Variants in MROH9 observed in about 807,000 individuals in gnomAD.
The protein encoded by MROH9 is maestro heat like repeat family member 9.
In MROH9, 92 loss-of-function variants were observed where a neutral mutation model predicts 98.2. The observed-to-expected ratio is 0.94, with a 90% CI of 0.79 to 1.11. MROH9 has a LOEUF of 1.11. MROH9 is among the 50% of genes most tolerant of loss of function. The pLI is 0.00. For missense variants in MROH9, 1,057 were observed against 1,014.8 expected (o/e 1.04, Z -0.57); for synonymous variants, 397 against 368.9 (o/e 1.08, Z -0.87).
At chr1:170,939,039 G>A (rs1192219341) in intron 1 of MROH9, among the ~76,000 whole-genome samples, 12 of 152,226 alleles carry the variant, frequency 7.9e-5, no homozygotes, top group Non-Finnish European at 1.8e-4. Context: ...GGTACCTACA[G>A]AATGGGTCAT....
intron 17 of MROH9, among the ~76,000 whole-genome samples, chr1:171,017,097 A>G (rs1205636807): frequency 6.6e-6 from 1 of 152,274 alleles, no homozygotes; most frequent in East Asian, 1.9e-4. Flanking sequence ...TTATAAACAC[A>G]TAAACACATT....
At chr1:170,993,155 CA>C (rs1291720660) in intron 12 of MROH9, among the ~76,000 whole-genome samples, 1 of 152,088 alleles carries the variant, frequency 6.6e-6, no homozygotes, top group African/African-American at 2.4e-5. Context: ...ATTGAATCCC[CA>C]AACTGTAATG....
chr1:171,015,388 A>G (rs1652292423), intron 16 of MROH9, among the ~76,000 whole-genome samples: 2 of 152,246 alleles, frequency 1.3e-5, no homozygotes, highest in African/African-American at 4.8e-5. Flanking sequence ...AGTAGTGGAA[A>G]GTGATCTGGG....
chr1:171,031,341 T>C (rs1455918528), intron 20 of MROH9, among the ~76,000 whole-genome samples: 1 of 152,204 alleles, frequency 6.6e-6, no homozygotes, highest in Non-Finnish European at 1.5e-5. Flanking sequence ...TAGCTGGTTA[T>C]TTTGCACACT....
At chr1:170,957,795 GTTTTT>G (rs71573033) in intron 3 of MROH9, among the ~76,000 whole-genome samples, 1 of 124,648 alleles carries the variant, frequency 8.0e-6, no homozygotes. Flanking sequence ...GCATTTTTTT[GTTTTT>G]TTTTTTTTTG....
At chr1:171,057,824 A>G (rs1653892863) in intron 20 of MROH9, among the ~76,000 whole-genome samples, 2 of 152,220 alleles carry the variant, frequency 1.3e-5, no homozygotes, top group Non-Finnish European at 2.9e-5. Context: ...AACATTCTTA[A>G]AGAAAAGAAT....
intron 1 of MROH9, among the ~76,000 whole-genome samples, chr1:170,937,667 G>A (rs868162168): frequency 2.4e-3 from 364 of 150,022 alleles, no homozygotes; most frequent in African/African-American, 8.2e-3. Context: ...GACTACAGGC[G>A]CCCGCCACTA....
chr1:171,045,611 CTT>C (rs1331469474), intron 20 of MROH9, among the ~76,000 whole-genome samples: 24 of 152,214 alleles, frequency 1.6e-4, no homozygotes, highest in Admixed American at 3.9e-4. Flanking sequence ...CAAAATTCCT[CTT>C]GTTATTAATT....
intron 20 of MROH9, among the ~76,000 whole-genome samples, chr1:171,036,769 G>T (rs1163283630): frequency 6.8e-6 from 1 of 147,004 alleles, no homozygotes. Context: ...ACACTCACCA[G>T]AATAGATGAA....
chr1:171,024,650 C>T lies in MROH9; in HGVS notation c.2063C>T (p.Ala688Val). The change falls in exon 19 of 22, where the codon GCA (alanine) becomes GTA (valine). Residue 688 changes from alanine to valine, a missense_variant and splice_region_variant. Ala to Val is a moderately conservative substitution (Grantham distance 64, BLOSUM62 0). Coordinates refer to ENST00000367759, the MANE Select transcript of MROH9 (RefSeq NM_001163629.2). ...CACCGGCCTTTTTCTGTCTCACAGG[C>T]ATGTAAATATACATTAAAAATCTGT... ...LEDDDKRVAE[A>V]CKYTLKICTS... The T allele has an allele frequency of 3.2e-6, 5 of 1,545,960 alleles. No individual in the cohort carries two copies. The highest frequency in any genetic ancestry group is 4.4e-6 in the Non-Finnish European group (5 of 1,142,486).
intron 20 of MROH9, among the ~76,000 whole-genome samples, chr1:171,041,787 A>G (rs1326619592): frequency 6.6e-6 from 1 of 151,854 alleles, no homozygotes; most frequent in Non-Finnish European, 1.5e-5. Flanking sequence ...ATGGTATCTC[A>G]TTGTAGTTTT....
At chr1:171,020,245 T>C (rs1314888158) in intron 17 of MROH9, among the ~76,000 whole-genome samples, 2 of 152,216 alleles carry the variant, frequency 1.3e-5, no homozygotes, top group Non-Finnish European at 2.9e-5. Context: ...AAGGAGGGAC[T>C]TCTCCCTAAT....
intron 15 of MROH9, among the ~76,000 whole-genome samples, chr1:171,011,050 C>A (rs1169125298): frequency 1.3e-5 from 2 of 152,066 alleles, no homozygotes; most frequent in Non-Finnish European, 2.9e-5. Flanking sequence ...TGCCTAGGTT[C>A]TCTTCTAGGA....
Position 171,049,694 on chromosome 1 carries a change from T to C in MROH9, c.2282-12438T>C, listed in dbSNP as rs554673613. 2.4e-4 allele frequency among the ~76,000 whole-genome samples: 36 copies of C among 152,142 alleles called. 1 individual carries two copies. Among genetic ancestry groups the C allele is most frequent in the African/African-American group, 8.7e-4 (36 of 41,530 alleles). On this transcript the variant is annotated intron_variant, in intron 20 of 21. Coordinates refer to ENST00000367759, the MANE Select transcript of MROH9 (RefSeq NM_001163629.2). ...ATGAGTTTTTTCTTTTTTCTTTTTT[T>C]TTTTTATTTGAGACATGGTCTCCTC... is the stretch of plus-strand genomic sequence containing the variant.
intron 8 of MROH9, among the ~76,000 whole-genome samples, chr1:170,974,698 C>A (rs115219172): frequency 6.6e-6 from 1 of 151,772 alleles, no homozygotes; most frequent in African/African-American, 2.4e-5. Flanking sequence ...TTATACCAGA[C>A]GAAAATCTAG....
chr1:170,979,304 T>A (rs1042389170), intron 8 of MROH9, among the ~76,000 whole-genome samples: 4 of 152,308 alleles, frequency 2.6e-5, no homozygotes, highest in African/African-American at 9.6e-5. Flanking sequence ...AAGGCAAGGA[T>A]GTGCACTGTC....
chr1:170,952,656 A>G (rs1349167173), intron 3 of MROH9, among the ~76,000 whole-genome samples: 2 of 151,708 alleles, frequency 1.3e-5, no homozygotes, highest in Non-Finnish European at 2.9e-5. Context: ...TGTAAATGAC[A>G]AGTTAATGGG....
intron 8 of MROH9, among the ~76,000 whole-genome samples, chr1:170,977,506 G>A (rs969372429): frequency 1.3e-5 from 2 of 152,164 alleles, no homozygotes; most frequent in African/African-American, 4.8e-5. Flanking sequence ...ATATTTTGTT[G>A]TTGAAGCTTT....
At chr1:170,980,018 T>C (rs2101795919) in intron 8 of MROH9, among the ~76,000 whole-genome samples, 1 of 152,004 alleles carries the variant, frequency 6.6e-6, no homozygotes, top group East Asian at 1.9e-4. Flanking sequence ...TACCTAGGAA[T>C]ACAGCTAACA....
Sources: allele counts gnomAD v4.1 joint callset (sites outside exome capture counted in the v4.1 genomes callset), GRCh38; gene constraint gnomAD v4.1.1; transcripts MANE v1.5; gene names NCBI Gene and HGNC (gene_info 2026-07-23, HGNC 2026-07-21).